STX18: variants seen among roughly 807,000 people sequenced by gnomAD.
The protein encoded by STX18 is syntaxin 18, also known as syntaxin-18.
STX18 carries 40 observed loss-of-function variants against 50.1 expected under a neutral mutation model. The ratio of observed to expected loss-of-function variants is 0.80; its 90% CI spans 0.62 to 1.04. The LOEUF (loss-of-function observed/expected upper bound fraction) is 1.04. Ranked by LOEUF, STX18 falls within the 50% of genes least tolerant of loss-of-function variation. The pLI is 0.00. For missense variants in STX18, 410 were observed against 415.8 expected (o/e 0.99, Z 0.12); for synonymous variants, 158 against 151.8 (o/e 1.04, Z -0.30).
At chr4:4,517,889 C>T (rs1251881910) in intron 1 of STX18, among the ~76,000 whole-genome samples, 1 of 151,988 alleles carries the variant, frequency 6.6e-6, no homozygotes. Flanking sequence ...ATTCTCCTGC[C>T]TCAGCCTCCT....
chr4:4,495,531 G>A (rs1406063954), intron 1 of STX18, among the ~76,000 whole-genome samples: 1 of 151,062 alleles, frequency 6.6e-6, no homozygotes, highest in Non-Finnish European at 1.5e-5. Context: ...TGGGACTACA[G>A]GCACGCGTGT....
At chr4:4,473,479 G>C (rs2108838446) in intron 1 of STX18, among the ~76,000 whole-genome samples, 1 of 152,076 alleles carries the variant, frequency 6.6e-6, no homozygotes, top group South Asian at 2.1e-4. Context: ...ATTTTTAATA[G>C]AGACGGGGTT....
At chr4:4,529,111 C>G (rs1303777766) in intron 1 of STX18, among the ~76,000 whole-genome samples, 1 of 152,184 alleles carries the variant, frequency 6.6e-6, no homozygotes, top group African/African-American at 2.4e-5. Context: ...CACCTGTAAT[C>G]CCAGCACTTT....
intron 3 of STX18, among the ~76,000 whole-genome samples, chr4:4,459,062 G>GCGCACACACACACACA (rs71638564): frequency 2.1e-5 from 3 of 144,282 alleles, no homozygotes; most frequent in Non-Finnish European, 4.6e-5. Context: ...ACACACACAC[G>GCGCACACACACACACA]CACACACACA....
At chr4:4,456,044 G>A (rs1409572656) in intron 5 of STX18, among the ~76,000 whole-genome samples, 1 of 152,072 alleles carries the variant, frequency 6.6e-6, no homozygotes, top group African/African-American at 2.4e-5. Context: ...AGCACTTTGG[G>A]AGGCAGGGGG....
chr4:4,427,020 C>A (rs773712041), intron 7 of STX18, among the ~76,000 whole-genome samples: 1 of 152,204 alleles, frequency 6.6e-6, no homozygotes, highest in Non-Finnish European at 1.5e-5. Flanking sequence ...TACTTTCTCA[C>A]TCTTGTTACC....
intron 7 of STX18, chr4:4,426,056 T>G (rs191557324): frequency 2.6e-5 from 4 of 152,324 alleles, no homozygotes; most frequent in Admixed American, 6.5e-5. Context: ...TCCTCCCCGA[T>G]GCATCCCGCA....
chr4:4,480,670 G>A (rs144738364), intron 1 of STX18, among the ~76,000 whole-genome samples: 145 of 152,174 alleles, frequency 9.5e-4, no homozygotes, highest in African/African-American at 3.4e-3. Context: ...TTTTTGAATT[G>A]ATTTTCTATC....
chr4:4,424,695 C>T (rs13135685), intron 8 of STX18, among the ~76,000 whole-genome samples: 19,277 of 152,156 alleles, frequency 0.13, 1,924 homozygotes, highest in African/African-American at 0.28. Flanking sequence ...TAGAGGCTAA[C>T]GGGTGCATGT....
At chr4:4,469,910 A>G (rs1727827006) in intron 2 of STX18, among the ~76,000 whole-genome samples, 1 of 152,132 alleles carries the variant, frequency 6.6e-6, no homozygotes. Flanking sequence ...CTCTGATGCC[A>G]CCTCGATGGG....
intron 1 of STX18, among the ~76,000 whole-genome samples, chr4:4,474,241 A>G (rs968961813): frequency 6.6e-6 from 1 of 152,184 alleles, no homozygotes. Context: ...TTCCTTCATG[A>G]TAACAATGAC....
intron 9 of STX18, among the ~76,000 whole-genome samples, chr4:4,421,464 A>C (rs1188151501): frequency 6.6e-6 from 1 of 152,122 alleles, no homozygotes; most frequent in Non-Finnish European, 1.5e-5. Flanking sequence ...TATGTTGCCC[A>C]GGCTGGTCTT....
intron 1 of STX18, among the ~76,000 whole-genome samples, chr4:4,473,707 T>C (rs892061384): frequency 5.3e-5 from 8 of 152,164 alleles, no homozygotes; most frequent in Non-Finnish European, 1.0e-4. Context: ...AAACCTTCAA[T>C]GGTTTCCATC....
At chr4:4,495,342 C>A (rs1269828907) in intron 1 of STX18, among the ~76,000 whole-genome samples, 2 of 152,078 alleles carry the variant, frequency 1.3e-5, no homozygotes, top group African/African-American at 4.8e-5. Flanking sequence ...GATGGGGACG[C>A]AAGATGGCAG....
At chr4:4,445,383 G>A (rs1327685189) in intron 5 of STX18, among the ~76,000 whole-genome samples, 1 of 151,762 alleles carries the variant, frequency 6.6e-6, no homozygotes, top group Non-Finnish European at 1.5e-5. Context: ...TCTAGCCTGG[G>A]CAACAAGAAC....
rs998944268 is a variant in STX18 at position 4,451,318 on chromosome 4, T to C, written c.497+5873A>G. Among the ~76,000 whole-genome samples, 8 of 152,340 alleles carry C rather than the reference T, an allele frequency of 5.3e-5. No homozygotes were observed. The South Asian group carries it at 1.0e-3, about 20-fold the overall frequency. On this transcript the variant is annotated intron_variant, in intron 5 of 10. Transcript: ENST00000306200. ...TTTTCAGTTTTGAAACAAGAAAATATGTGGGAAGTTTTTGCAAACCTTAAA... is the reference window on the plus strand; with the variant it reads ...TTTTCAGTTTTGAAACAAGAAAATACGTGGGAAGTTTTTGCAAACCTTAAA...
chr4:4,434,681 G>A, intron 7 of STX18, 89 bp downstream of exon 7: 1 of 1,026,752 alleles, frequency 9.7e-7, no homozygotes. Context: ...AAAAATAAGG[G>A]CAAGGGCATT....
At position 4,541,674 on chromosome 4, in the gene STX18, T is replaced by C. The variant is rs1180807245; in HGVS notation, c.168+123A>G. 8 of 1,119,696 alleles carry C rather than the reference T, an allele frequency of 7.1e-6. No homozygotes were observed. In the East Asian group the frequency reaches 1.5e-4, roughly 21 times the overall value. 69.4% of individuals were successfully genotyped at this position (1,119,696 alleles called of 1,614,324 possible). ...GTAGGGTCTCTGAGGCCAACTCTTC[T>C]GTCCCCCTTAGAGCCACCCCCTTCA... On this transcript the variant is annotated intron_variant, in intron 1 of 10. Transcript: ENST00000306200.
At chr4:4,473,540 G>A (rs905657637) in intron 1 of STX18, among the ~76,000 whole-genome samples, 4 of 152,056 alleles carry the variant, frequency 2.6e-5, no homozygotes, top group South Asian at 2.1e-4. Flanking sequence ...CGATCCGCCC[G>A]CCTCAGCCTC....
Sources: gnomAD v4.1 joint callset for allele counts (sites outside exome capture counted in the v4.1 genomes callset) on GRCh38, gnomAD v4.1.1 for gene constraint, MANE v1.5 for transcripts, NCBI Gene and HGNC (gene_info 2026-07-23, HGNC 2026-07-21) for gene names.